Variants in ACTN4 observed in about 807,000 individuals in gnomAD.
ACTN4 encodes actinin alpha 4, also known as alpha-actinin-4.
ACTN4 carries 18 observed loss-of-function variants against 114.2 expected under a neutral mutation model. The observed-to-expected ratio is 0.16, with a 90% CI of 0.11 to 0.23. The LOEUF is 0.23. Ranked by LOEUF, ACTN4 falls within the 10% of genes least tolerant of loss-of-function variation. The pLI is 1.00. For missense variants in ACTN4, 722 were observed against 1,262.9 expected, an observed-to-expected ratio of 0.57 and a Z score of 6.49; for synonymous variants, 515 against 506.3, an observed-to-expected ratio of 1.02 and a Z score of -0.23.
intron 3 of ACTN4, among the ~76,000 whole-genome samples, chr19:38,702,337 G>A (rs560018010): frequency 2.0e-5 from 3 of 152,322 alleles, no homozygotes; most frequent in South Asian, 4.1e-4. Context: ...GGGGCTCAAG[G>A]CACCTGAGAA....
At chr19:38,680,167 C>T (rs919744516) in intron 1 of ACTN4, among the ~76,000 whole-genome samples, 2 of 149,866 alleles carry the variant, frequency 1.3e-5, no homozygotes, top group Non-Finnish European at 2.9e-5. Flanking sequence ...TGTATTTGTC[C>T]GTGTATCCCC....
chr19:38,650,792 C>T (rs1002404590), intron 1 of ACTN4, among the ~76,000 whole-genome samples: 5 of 152,042 alleles, frequency 3.3e-5, no homozygotes, highest in African/African-American at 7.2e-5. Flanking sequence ...TCTTGTTGCC[C>T]GGGCGTGATC....
chr19:38,692,215 C>T (rs1453043034), intron 1 of ACTN4, among the ~76,000 whole-genome samples: 2 of 152,222 alleles, frequency 1.3e-5, no homozygotes, highest in Non-Finnish European at 2.9e-5. Context: ...TAGGTTATGT[C>T]GTCATGTAAC....
At chr19:38,663,920 A>C in intron 1 of ACTN4, among the ~76,000 whole-genome samples, 1 of 152,146 alleles carries the variant, frequency 6.6e-6, no homozygotes, top group East Asian at 1.9e-4. Flanking sequence ...GCCTCTTCAG[A>C]ATTAGCACAG....
chr19:38,677,728 C>G (rs1233919619), intron 1 of ACTN4, among the ~76,000 whole-genome samples: 1 of 152,150 alleles, frequency 6.6e-6, no homozygotes, highest in Admixed American at 6.6e-5. Flanking sequence ...AAACAGGATG[C>G]GATGCTTTTC....
Position 38,706,184 on chromosome 19 carries a change from TC to T in ACTN4, c.572+55del, listed in dbSNP as rs1968453824. On this transcript the variant is annotated intron_variant, in intron 5 of 20. Coordinates refer to ENST00000252699, the MANE Select transcript of ACTN4 (RefSeq NM_004924.6). ...CTTTCCTCTAGGAACCTGAGATCCT[TC>T]CTCCCACCTGCCCTGTTTGCTGTGT... The T allele has an allele frequency of 1.9e-6, 3 of 1,551,602 alleles. No homozygotes were observed. The African/African-American group carries it at 4.1e-5, about 21-fold the overall frequency.
In ACTN4 at chr19:38,724,492, C is replaced by T; in HGVS notation, c.1937C>T (p.Ser646Phe). 7 of 1,613,430 alleles carry T rather than the reference C, an allele frequency of 4.3e-6. No individual in the cohort carries two copies. Among genetic ancestry groups the T allele is most frequent in the African/African-American group, 1.3e-5 (1 of 75,046 alleles). The change falls in exon 16 of 21, where the codon TCC (serine) becomes TTC (phenylalanine). Residue 646 changes from serine to phenylalanine, a missense_variant. By Grantham distance (155) the Ser-to-Phe change is radical. This residue lies in a region of ACTN4 where 523 missense variants were observed against 875.9 expected (regional missense o/e 0.60). Transcript: ENST00000252699. The surrounding 1 kb of genome is among the most constrained non-coding windows in gnomAD (Gnocchi z 7.0). Reference protein sequence around the residue: ...ALLEEQSKQQSNEHLRRQFAS... With the variant: ...ALLEEQSKQQFNEHLRRQFAS... ...CTGGAGGAGCAGAGCAAGCAGCAGT[C>T]CAACGAGCACCTGCGCCGCCAGTTC... is the stretch of plus-strand genomic sequence containing the variant.
intron 8 of ACTN4, among the ~76,000 whole-genome samples, chr19:38,712,171 A>G (rs1968677790): frequency 1.3e-5 from 2 of 152,152 alleles, no homozygotes; most frequent in Admixed American, 1.3e-4. Flanking sequence ...CACCCCCAGG[A>G]GGGCTAGGCG....
chr19:38,727,831 T>G lies in ACTN4; in HGVS notation c.2338-115T>G. The G allele has an allele frequency of 1.0e-6, 1 of 978,006 alleles. No individual in the cohort carries two copies. Among genetic ancestry groups the G allele is most frequent in the Non-Finnish European group, 1.6e-6 (1 of 634,856 alleles). The allele number at this position is 978,006 out of a possible 1,614,324, so 60.6% of individuals were successfully genotyped here. ...TCCTTGTCCATGTTGCCTCTAACTCTGTGTTTCCCTCCCCTACGTGTCCCT... is the reference window on the plus strand; with the variant it reads ...TCCTTGTCCATGTTGCCTCTAACTCGGTGTTTCCCTCCCCTACGTGTCCCT... On this transcript the variant is annotated intron_variant, in intron 18 of 20. Coordinates refer to ENST00000252699, the MANE Select transcript of ACTN4 (RefSeq NM_004924.6). The surrounding 1 kb of genome is among the most constrained non-coding windows in gnomAD (Gnocchi z 5.4).
At chr19:38,728,250 A>G in intron 19 of ACTN4, 3 of 1,503,020 alleles carry the variant, frequency 2.0e-6, no homozygotes, top group Admixed American at 2.0e-5. Flanking sequence ...TGCTGTGCAC[A>G]TGGGGCGGCC....
intron 1 of ACTN4, among the ~76,000 whole-genome samples, chr19:38,673,655 TTATA>T: frequency 3.4e-5 from 1 of 29,334 alleles, no homozygotes; most frequent in African/African-American, 9.7e-5. Context: ...ATTTATATAT[TTATA>T]TATATTATAT....
In ACTN4 at chr19:38,723,993, C is replaced by T. The variant is rs139575917; in HGVS notation, c.1608C>T (p.Arg536=). 3.0e-3 allele frequency: 4,881 copies of T among 1,613,830 alleles called. 30 individuals are homozygous for T. In the Middle Eastern group the frequency reaches 0.049, roughly 16 times the overall value. The change falls in exon 14 of 21, where the codon CGC becomes CGT. Residue 536 remains arginine (R), a synonymous_variant. Transcript: ENST00000252699. ...IDQLHLEYAK[R]AAPFNNWMES... ...AGCTGCACCTGGAATACGCCAAGCG[C>T]GCGGCCCCCTTCAACAACTGGATGG... is the stretch of plus-strand genomic sequence containing the variant.
intron 17 of ACTN4, among the ~76,000 whole-genome samples, chr19:38,726,397 G>A: frequency 6.6e-6 from 1 of 152,154 alleles, no homozygotes; most frequent in East Asian, 1.9e-4. Context: ...GCCCCTCACA[G>A]GACAAGCTGT....
chr19:38,681,278 C>T lies in ACTN4; in HGVS notation c.163-19322C>T, dbSNP rs562759107. ...GAAATGCTCCAACGTTGGCTCTTGTCGTCATCTGTGCCCATGTCTCCCTCA... is the reference window on the plus strand; with the variant it reads ...GAAATGCTCCAACGTTGGCTCTTGTTGTCATCTGTGCCCATGTCTCCCTCA... On this transcript the variant is annotated intron_variant, in intron 1 of 20. Coordinates refer to ENST00000252699, the MANE Select transcript of ACTN4 (RefSeq NM_004924.6). Among the ~76,000 whole-genome samples, 7 of 152,128 alleles carry T rather than the reference C, an allele frequency of 4.6e-5. No homozygotes were observed. The South Asian group carries it at 1.2e-3, about 27-fold the overall frequency.
At position 38,730,341 on chromosome 19, in the gene ACTN4, C is replaced by T. The variant is rs984391495; in HGVS notation, c.*909C>T. 26 of 170,390 alleles carry T rather than the reference C, an allele frequency of 1.5e-4. No individual in the cohort carries two copies. Among genetic ancestry groups the T allele is most frequent in the African/African-American group, 5.0e-4 (21 of 41,610 alleles). 10.6% of individuals were successfully genotyped at this position (170,390 alleles called of 1,614,324 possible). Reference sequence around the variant, plus strand: ...CCTTGCTGATGCTCCTCCGGGTCTGCGTCGGGCGTGGGTCTCTGGGGACCC... The same window carrying T: ...CCTTGCTGATGCTCCTCCGGGTCTGTGTCGGGCGTGGGTCTCTGGGGACCC... On this transcript the variant is annotated 3_prime_UTR_variant, in exon 21 of 21. Coordinates refer to ENST00000252699, the MANE Select transcript of ACTN4 (RefSeq NM_004924.6).
At chr19:38,706,446 T>G (rs1209756296) in intron 5 of ACTN4, among the ~76,000 whole-genome samples, 2 of 152,238 alleles carry the variant, frequency 1.3e-5, no homozygotes, top group African/African-American at 4.8e-5. Flanking sequence ...AGACAGGGTC[T>G]TGTGCTGTCA....
chr19:38,669,276 G>A lies in ACTN4; in HGVS notation c.162+21369G>A, dbSNP rs1164527655. ...GCTGGGATTACAGGCGTGAGTCACC[G>A]CGCCCAGCCAAAATCCAGCTTTTTC... On this transcript the variant is annotated intron_variant, in intron 1 of 20. Transcript: ENST00000252699. Among the ~76,000 whole-genome samples, 6 of 152,154 alleles carry A rather than the reference G, an allele frequency of 3.9e-5. No homozygotes were observed. The East Asian group carries it at 5.8e-4, about 15-fold the overall frequency.
intron 1 of ACTN4, among the ~76,000 whole-genome samples, chr19:38,685,417 C>T (rs934898566): frequency 5.3e-5 from 8 of 152,180 alleles, no homozygotes; most frequent in Non-Finnish European, 1.5e-5. Context: ...CAGATGGACT[C>T]AGGGATTCAT....
At chr19:38,710,191 C>T in intron 7 of ACTN4, 66 bp from the exon 8 acceptor site, 2 of 1,558,736 alleles carry the variant, frequency 1.3e-6, no homozygotes. Flanking sequence ...GCCCGTGGAT[C>T]CCAGTGAGTG....
Sources: gnomAD v4.1 joint callset for allele counts (sites outside exome capture counted in the v4.1 genomes callset) on GRCh38, gnomAD v4.1.1 for gene constraint, gnomAD v4.1.1 regional missense constraint, Gnocchi (gnomAD v3.1) non-coding constraint, MANE v1.5 for transcripts, NCBI Gene and HGNC (gene_info 2026-07-23, HGNC 2026-07-21) for gene names.